SLC33A1: variants seen among roughly 807,000 people sequenced by gnomAD.
SLC33A1 encodes the protein solute carrier family 33 member 1.
A neutral mutation model predicts 50.0 loss-of-function variants in SLC33A1; 20 were observed. The ratio of observed to expected loss-of-function variants is 0.40; its 90% CI spans 0.28 to 0.58. The LOEUF (loss-of-function observed/expected upper bound fraction) is 0.58, where lower values mean the gene tolerates loss of function less well. SLC33A1 is among the 20% of genes least tolerant of loss of function. The pLI, the probability that SLC33A1 is intolerant of heterozygous loss-of-function variation, is 0.44. For missense variants in SLC33A1, 476 were observed against 657.0 expected (o/e 0.72, Z 3.01); for synonymous variants, 265 against 251.8 (o/e 1.05, Z -0.50).
chr3:155,838,537 C>T (rs185348691), intron 2 of SLC33A1, among the ~76,000 whole-genome samples: 20 of 151,592 alleles, frequency 1.3e-4, no homozygotes, highest in Admixed American at 4.6e-4. Context: ...AAAAATTAGC[C>T]GGGTGTGGTG....
At chr3:155,849,568 C>A in intron 1 of SLC33A1, among the ~76,000 whole-genome samples, 1 of 145,532 alleles carries the variant, frequency 6.9e-6, no homozygotes, top group African/African-American at 2.6e-5. Context: ...TACTGCAGAA[C>A]AAAGTTCAAA....
intron 5 of SLC33A1, among the ~76,000 whole-genome samples, chr3:155,829,324 C>T (rs766926711): frequency 1.3e-5 from 2 of 152,188 alleles, no homozygotes; most frequent in East Asian, 3.8e-4. Context: ...ACTCACTATA[C>T]AGGTTTAGTT....
chr3:155,843,806 A>C (rs979743428), intron 1 of SLC33A1, among the ~76,000 whole-genome samples: 5 of 152,196 alleles, frequency 3.3e-5, no homozygotes, highest in African/African-American at 9.7e-5. Context: ...TTATAAGTAC[A>C]ACTAATTTCA....
intron 4 of SLC33A1, 136 bp downstream of exon 4, chr3:155,833,332 C>G (rs563133505): frequency 5.5e-6 from 4 of 731,566 alleles, no homozygotes; most frequent in Admixed American, 4.0e-5. Context: ...AAGTTTAAAG[C>G]GCACCATCAA....
intron 2 of SLC33A1, among the ~76,000 whole-genome samples, chr3:155,839,779 C>G (rs1752852155): frequency 6.6e-6 from 1 of 151,922 alleles, no homozygotes; most frequent in Admixed American, 6.6e-5. Context: ...GAAACCCCGT[C>G]TCTTCTAAGA....
chr3:155,849,839 G>C (rs968757878), intron 1 of SLC33A1, among the ~76,000 whole-genome samples: 8 of 149,332 alleles, frequency 5.4e-5, no homozygotes, highest in African/African-American at 1.7e-4. Context: ...GCCCTGGAGG[G>C]GGAAGTTGCA....
Position 155,847,988 on chromosome 3 carries a change from C to T in SLC33A1, c.775+5235G>A, listed in dbSNP as rs114647784. Among the ~76,000 whole-genome samples, 1,161 of 152,246 alleles carry T rather than the reference C, an allele frequency of 7.6e-3. 11 individuals are homozygous for T. The highest frequency in any genetic ancestry group is 0.027 in the African/African-American group (1,125 of 41,540). ...ACCGTCTTGCTCCCTGCTCCTAAAC[C>T]CAAATACACTGCTCCCTATTCCAAT... On this transcript the variant is annotated intron_variant, in intron 1 of 5. Transcript: ENST00000643144.
At position 155,827,094 on chromosome 3, in the gene SLC33A1, T is replaced by G. The variant is rs933202438; in HGVS notation, c.*1116A>C. ...TAGTATTCAAACAAAAGGTTATGTG[T>G]TAATACATGAAAATACAGTACCTGA... On this transcript the variant is annotated 3_prime_UTR_variant, in exon 6 of 6. Coordinates refer to ENST00000643144, the MANE Select transcript of SLC33A1 (RefSeq NM_004733.4). 14 of 152,222 alleles carry G rather than the reference T, an allele frequency of 9.2e-5. No homozygotes were observed. The highest frequency in any genetic ancestry group is 3.4e-4 in the African/African-American group (14 of 41,460). The allele number at this position is 152,222 out of a possible 1,614,324, so 9.4% of individuals were successfully genotyped here.
intron 2 of SLC33A1, among the ~76,000 whole-genome samples, chr3:155,836,116 T>C (rs1374204235): frequency 6.6e-6 from 1 of 150,846 alleles, no homozygotes; most frequent in Admixed American, 6.6e-5. Flanking sequence ...AAACCCCATC[T>C]CCACTAAAAA....
In SLC33A1 at chr3:155,828,223, T is replaced by C; in HGVS notation, c.1637A>G (p.Lys546Arg). The C allele has an allele frequency of 1.4e-5, 22 of 1,612,660 alleles. No homozygotes were observed. Among genetic ancestry groups the C allele is most frequent in the Non-Finnish European group, 1.9e-5 (22 of 1,178,778 alleles). ...GTAGCATATATATTAATTGTTCCTT[T>C]TGCATTTCCACGAAGATGATCCTTC... ...QDEGSSSWKC[K>R]RNN The change falls in exon 6 of 6, where the codon AAA becomes AGA. Residue 546 changes from lysine (K) to arginine (R), a missense_variant. Lys to Arg is a conservative substitution (Grantham distance 26). Transcript: ENST00000643144.
intron 5 of SLC33A1, among the ~76,000 whole-genome samples, chr3:155,828,673 T>C (rs1484497478): frequency 6.6e-6 from 1 of 152,118 alleles, no homozygotes; most frequent in East Asian, 1.9e-4. Context: ...CACTGCGGTC[T>C]CTGGCTCCTG....
intron 4 of SLC33A1, among the ~76,000 whole-genome samples, chr3:155,831,457 C>CAAAAAAAAAAAAAAAAAA (rs397991448): frequency 1.5e-4 from 7 of 46,714 alleles, no homozygotes; most frequent in Admixed American, 3.6e-4. Context: ...GACTCTGTCT[C>CAAAAAAAAAAAAAAAAAA]AAAAAAAAAA....
At chr3:155,839,079 G>C (rs1323494237) in intron 2 of SLC33A1, among the ~76,000 whole-genome samples, 1 of 151,536 alleles carries the variant, frequency 6.6e-6, no homozygotes, top group Non-Finnish European at 1.5e-5. Flanking sequence ...ACCTGAAGTC[G>C]GGAGTTTGAC....
intron 1 of SLC33A1, chr3:155,843,136 C>T (rs1235396616): frequency 1.3e-5 from 2 of 151,986 alleles, no homozygotes; most frequent in Admixed American, 6.6e-5. Flanking sequence ...ACAACAACAA[C>T]CAAAAAGGCA....
At position 155,836,280 on chromosome 3, in the gene SLC33A1, C is replaced by CAAAAAA. The variant is rs57460942; in HGVS notation, c.964-2245_964-2240dup. ...GCCTGGTGACAGAGTGAGACTCTGT[C>CAAAAAA]AAAAAAAAAAAAAAAAAAAAAAAAA... On this transcript the variant is annotated intron_variant, in intron 2 of 5. Transcript: ENST00000643144. Among the ~76,000 whole-genome samples the CAAAAAA allele has an allele frequency of 3.5e-3, 96 of 27,168 alleles. 8 individuals carry two copies. Among genetic ancestry groups the CAAAAAA allele is most frequent in the Admixed American group, 0.013 (15 of 1,186 alleles). 17.8% of individuals were successfully genotyped at this position (27,168 alleles called of 152,430 possible). A position where few individuals can be genotyped will look rare whatever the true frequency, so the allele number is the denominator to read the frequency against.
Position 155,828,391 on chromosome 3 carries a change from A to C in SLC33A1, c.1483-14T>G, listed in dbSNP as rs765517893. ...TTTTTTGCAAAGCTGTAAAAATAAA[A>C]CTATAATAAATACTCCACAATTTCA... On this transcript the variant is annotated splice_polypyrimidine_tract_variant and intron_variant, in intron 5 of 5. Coordinates refer to ENST00000643144, the MANE Select transcript of SLC33A1 (RefSeq NM_004733.4). The C allele has an allele frequency of 5.2e-6, 8 of 1,526,202 alleles. No homozygotes were observed. The South Asian group carries it at 9.0e-5, about 17-fold the overall frequency. 94.5% of individuals were successfully genotyped at this position (1,526,202 alleles called of 1,614,324 possible). A position where few individuals can be genotyped will look rare whatever the true frequency, so the allele number is the denominator to read the frequency against.
In SLC33A1 at chr3:155,842,429, T is replaced by C; in HGVS notation, c.963+3A>G. ...TGATAAATTTGATTTATAAATCTCT[T>C]ACCTTTGCAGTTAGAATCAGAAGGC... On this transcript the variant is annotated splice_donor_region_variant and intron_variant, in intron 2 of 5. Transcript: ENST00000643144. 1 of 1,586,836 alleles carries C rather than the reference T, an allele frequency of 6.3e-7. No individual in the cohort carries two copies. Among genetic ancestry groups the C allele is most frequent in the Non-Finnish European group, 8.6e-7 (1 of 1,156,830 alleles).
At chr3:155,838,526 C>G (rs1553776937) in intron 2 of SLC33A1, among the ~76,000 whole-genome samples, 1 of 146,966 alleles carries the variant, frequency 6.8e-6, no homozygotes, top group Non-Finnish European at 1.5e-5. Flanking sequence ...ACCAAAAATA[C>G]AAAAATTAGC....
At chr3:155,847,980 T>C (rs1753246155) in intron 1 of SLC33A1, among the ~76,000 whole-genome samples, 1 of 152,162 alleles carries the variant, frequency 6.6e-6, no homozygotes, top group Non-Finnish European at 1.5e-5. Flanking sequence ...TGCTCCCTGC[T>C]CCTAAACCCA....
Sources: gnomAD v4.1 joint callset for allele counts (sites outside exome capture counted in the v4.1 genomes callset) on GRCh38, gnomAD v4.1.1 for gene constraint, MANE v1.5 for transcripts, NCBI Gene and HGNC (gene_info 2026-07-23, HGNC 2026-07-21) for gene names.